NFIB: variants seen among roughly 807,000 people sequenced by gnomAD.
The protein encoded by NFIB is nuclear factor 1 B-type.
NFIB carries 11 observed loss-of-function variants against 61.5 expected under a neutral mutation model. The ratio of observed to expected loss-of-function variants is 0.18; its 90% CI spans 0.11 to 0.30. The LOEUF (loss-of-function observed/expected upper bound fraction) is 0.30, where lower values mean the gene tolerates loss of function less well. Among genes scored for constraint, NFIB ranks in the 10% least tolerant of loss-of-function variants. The probability of loss-of-function intolerance (pLI) is 1.00; values close to 1 mark genes in which losing one functional copy is unlikely to be tolerated. For missense variants in NFIB, 471 were observed against 608.9 expected, an observed-to-expected ratio of 0.77 and a Z score of 2.38; for synonymous variants, 260 against 216.5, an observed-to-expected ratio of 1.20 and a Z score of -1.76.
At chr9:14,200,026 C>T (rs771349287) in intron 2 of NFIB, among the ~76,000 whole-genome samples, 2 of 152,148 alleles carry the variant, frequency 1.3e-5, no homozygotes, top group Non-Finnish European at 2.9e-5. Flanking sequence ...CTGCTGCTAA[C>T]AGAGTGAATC....
At position 14,344,010 on chromosome 9, in the gene NFIB, T is replaced by C. The variant is rs544483163; in HGVS notation, c.109-36490A>G. ...AGAAACAGAAGTTTTGAGGAGGCAG[T>C]TAGGAGATGCTACAGAAATGGCCTA... On this transcript the variant is annotated intron_variant, in intron 1 of 8. Coordinates refer to the NFIB transcript ENST00000380934. Among the ~76,000 whole-genome samples, 7 of 149,312 alleles carry C rather than the reference T, an allele frequency of 4.7e-5. No individual in the cohort carries two copies. The East Asian group carries it at 1.4e-3, about 30-fold the overall frequency.
At chr9:14,234,320 A>G (rs905356056) in intron 2 of NFIB, among the ~76,000 whole-genome samples, 3 of 152,234 alleles carry the variant, frequency 2.0e-5, no homozygotes, top group South Asian at 4.1e-4. Flanking sequence ...GTGTAGTAGG[A>G]TAAGAAGGAA....
chr9:14,255,156 G>C (rs577719706), intron 2 of NFIB, among the ~76,000 whole-genome samples: 10 of 152,060 alleles, frequency 6.6e-5, no homozygotes, highest in African/African-American at 2.4e-4. Flanking sequence ...CCAGGAGTTC[G>C]AGGCTGCAGT....
upstream of NFIB, among the ~76,000 whole-genome samples, chr9:14,318,999 C>T (rs1442107557): frequency 6.6e-6 from 1 of 152,008 alleles, no homozygotes; most frequent in African/African-American, 2.4e-5. Flanking sequence ...TAATTTTTTC[C>T]CCACCAGAGA....
chr9:14,175,482 A>G (rs1395849543), intron 3 of NFIB, among the ~76,000 whole-genome samples: 2 of 152,116 alleles, frequency 1.3e-5, no homozygotes, highest in Non-Finnish European at 2.9e-5. Context: ...CCAGCGACTT[A>G]AAGAATTTCT....
the NFIB span, among the ~76,000 whole-genome samples, chr9:14,529,682 A>C: frequency 6.6e-6 from 1 of 152,212 alleles, no homozygotes; most frequent in African/African-American, 2.4e-5. Flanking sequence ...TGACACATTA[A>C]ATAATAATCC....
At chr9:14,476,891 A>G in the NFIB span, among the ~76,000 whole-genome samples, 1 of 152,322 alleles carries the variant, frequency 6.6e-6, no homozygotes, top group Admixed American at 6.5e-5. Context: ...AAGAATAAAT[A>G]TTTGTTAAAA....
upstream of NFIB, among the ~76,000 whole-genome samples, chr9:14,314,991 ACCCAGGCCGCC>A (rs545085225): frequency 4.0e-5 from 6 of 150,796 alleles, no homozygotes; most frequent in South Asian, 2.1e-4. Flanking sequence ...ATTCCCTCAC[ACCCAGGCCGCC>A]CCCAGGCCGG....
chr9:14,313,862 G>T lies in NFIB; in HGVS notation c.-351C>A. On this transcript the variant is annotated 5_prime_UTR_variant, in exon 1 of 11. Coordinates refer to ENST00000380953, the MANE Select transcript of NFIB (RefSeq NM_001190737.2). This position sits in a 1 kb window ranked among gnomAD's most constrained non-coding sequence, Gnocchi z 4.5. ...TTTCTATTTTGCAGTTGTTGTTGTT[G>T]TTGGGGTGTAGGGGGTGCGCGAAGG... The T allele has an allele frequency of 8.3e-7, 1 of 1,201,438 alleles. No homozygotes were observed. 74.4% of individuals were successfully genotyped at this position (1,201,438 alleles called of 1,614,324 possible).
chr9:14,377,936 C>T (rs1222746546), intron 1 of NFIB, among the ~76,000 whole-genome samples: 1 of 152,176 alleles, frequency 6.6e-6, no homozygotes, highest in Non-Finnish European at 1.5e-5. Flanking sequence ...CCACTTTCAT[C>T]CTCAAAGTGG....
chr9:14,378,491 G>A lies in NFIB; in HGVS notation c.108+20033C>T, dbSNP rs577349362. Among the ~76,000 whole-genome samples, 63 of 152,248 alleles carry A rather than the reference G, an allele frequency of 4.1e-4. 1 individual carries two copies. Among genetic ancestry groups the A allele is most frequent in the Admixed American group, 1.2e-3 (18 of 15,282 alleles). On this transcript the variant is annotated intron_variant, in intron 1 of 8. Transcript: ENST00000380934. ...CCTGCCTCAGCCTCCTGAGTAGCTG[G>A]GACTATAGGCACGCGCCACCACGCC...
At chr9:14,254,763 A>G (rs926197214) in intron 2 of NFIB, among the ~76,000 whole-genome samples, 4 of 152,140 alleles carry the variant, frequency 2.6e-5, no homozygotes, top group African/African-American at 9.7e-5. Context: ...TTTGAATAAG[A>G]CTTCTGAAAA....
upstream of NFIB, among the ~76,000 whole-genome samples, chr9:14,318,399 C>G (rs1008072022): frequency 1.8e-4 from 27 of 151,786 alleles, no homozygotes; most frequent in African/African-American, 6.3e-4. Context: ...TTCTTTTAAC[C>G]TTTTCCTTCC....
At chr9:14,235,984 G>A (rs2053696833) in intron 2 of NFIB, among the ~76,000 whole-genome samples, 1 of 152,164 alleles carries the variant, frequency 6.6e-6, no homozygotes, top group Admixed American at 6.5e-5. Flanking sequence ...CCTAAAAGCA[G>A]ATTTTGATGG....
At chr9:14,501,251 A>T in the NFIB span, among the ~76,000 whole-genome samples, 2 of 152,114 alleles carry the variant, frequency 1.3e-5, no homozygotes, top group African/African-American at 4.8e-5. Flanking sequence ...TCCTATGATC[A>T]TACTATTTAG....
At chr9:14,138,447 C>T (rs1308401986) in intron 6 of NFIB, among the ~76,000 whole-genome samples, 1 of 151,886 alleles carries the variant, frequency 6.6e-6, no homozygotes, top group Non-Finnish European at 1.5e-5. Context: ...TCAAACAAGA[C>T]AACCTTTGAG....
At chr9:14,370,473 T>C (rs1444053057) in intron 1 of NFIB, among the ~76,000 whole-genome samples, 1 of 152,172 alleles carries the variant, frequency 6.6e-6, no homozygotes, top group East Asian at 1.9e-4. Context: ...CCAAATCACG[T>C]AGAAGGTGGG....
chr9:14,530,415 A>G, the NFIB span, among the ~76,000 whole-genome samples: 1 of 147,862 alleles, frequency 6.8e-6, no homozygotes, highest in Non-Finnish European at 1.5e-5. Flanking sequence ...AGAGAGAGGG[A>G]GAGAGAGAGA....
At chr9:14,123,158 G>A (rs1224775961) in intron 7 of NFIB, among the ~76,000 whole-genome samples, 1 of 151,534 alleles carries the variant, frequency 6.6e-6, no homozygotes, top group South Asian at 2.1e-4. Flanking sequence ...TCGGGAGGCT[G>A]AGGCAGGAGA....
Sources: gnomAD v4.1 joint callset for allele counts (sites outside exome capture counted in the v4.1 genomes callset) on GRCh38, gnomAD v4.1.1 for gene constraint, Gnocchi (gnomAD v3.1) non-coding constraint, MANE v1.5 for transcripts, NCBI Gene and HGNC (gene_info 2026-07-23, HGNC 2026-07-21) for gene names.